The following VPS8 variants were observed in gnomAD, a reference collection of about 807,000 sequenced individuals.
VPS8 encodes the protein vacuolar protein sorting-associated protein 8 homolog.
A neutral mutation model predicts 216.4 loss-of-function variants in VPS8; 129 were observed. The observed-to-expected ratio is 0.60, with a 90% confidence interval of 0.52 to 0.69. The LOEUF is 0.69. Among genes scored for constraint, VPS8 ranks in the 30% least tolerant of loss-of-function variants. VPS8 has a pLI of 0.00. For synonymous variants in VPS8, 571 were observed against 565.4 expected (o/e 1.01, Z -0.14); for missense variants, 1,531 against 1,683.5 (o/e 0.91, Z 1.59).
intron 22 of VPS8, 102 bp from the exon 23 acceptor site, chr3:184,894,601 A>G: frequency 1.1e-6 from 1 of 884,274 alleles, no homozygotes; most frequent in Non-Finnish European, 1.7e-6. Flanking sequence ...TAAACTCATG[A>G]GTAAGTTGAA....
chr3:184,981,021 G>C (rs1033489194), intron 40 of VPS8, among the ~76,000 whole-genome samples: 1 of 152,164 alleles, frequency 6.6e-6, no homozygotes, highest in African/African-American at 2.4e-5. Context: ...AGGTTTGACT[G>C]TGGTATAATG....
chr3:184,850,051 A>AT (rs754245786), intron 10 of VPS8, 29 bp downstream of exon 10: 134 of 1,554,890 alleles, frequency 8.6e-5, no homozygotes, highest in Middle Eastern at 1.7e-4. Context: ...TTTCCTAATA[A>AT]TTTTTTTATT....
intron 21 of VPS8, among the ~76,000 whole-genome samples, chr3:184,878,543 G>A (rs1729690158): frequency 6.6e-6 from 1 of 152,180 alleles, no homozygotes. Flanking sequence ...GCATTAAGAG[G>A]TAATGTCAAA....
At chr3:184,964,381 C>A in intron 37 of VPS8, 87 bp from the exon 38 acceptor site, 2 of 704,182 alleles carry the variant, frequency 2.8e-6, no homozygotes, top group Non-Finnish European at 2.1e-6. Flanking sequence ...CATTATTTAT[C>A]ATATGAGTTT....
Position 184,996,577 on chromosome 3 carries a change from T to TAC in VPS8, c.3836+79_3836+80dup. 7 of 1,478,576 alleles carry TAC rather than the reference T, an allele frequency of 4.7e-6. No individual in the cohort carries two copies. The South Asian group carries it at 8.2e-5, about 17-fold the overall frequency. The allele number at this position is 1,478,576 out of a possible 1,614,324, so 91.6% of individuals were successfully genotyped here. A position where few individuals can be genotyped will look rare whatever the true frequency, so the allele number is the denominator to read the frequency against. ...ATTACCAGGCAAGAATCCACATGGA[T>TAC]ACACGGGTAGTCATTCTAGCAGTGA... On this transcript the variant is annotated intron_variant, in intron 44 of 47. Transcript: ENST00000625842.
chr3:184,938,406 G>C (rs1475411359), intron 35 of VPS8, among the ~76,000 whole-genome samples: 2 of 152,204 alleles, frequency 1.3e-5, no homozygotes, highest in East Asian at 1.9e-4. Flanking sequence ...TTACAGACTA[G>C]CTTGATTGGA....
intron 36 of VPS8, among the ~76,000 whole-genome samples, chr3:184,952,532 A>T (rs796521447): frequency 2.7e-5 from 1 of 36,432 alleles, no homozygotes; most frequent in African/African-American, 5.7e-5. Context: ...AGCTGAAAAT[A>T]AGCAGTTCAA....
At position 184,830,454 on chromosome 3, in the gene VPS8, T is replaced by TCACACACACA. The variant is rs3040915; in HGVS notation, c.223-2216_223-2207dup. On this transcript the variant is annotated intron_variant, in intron 3 of 47. Coordinates refer to ENST00000625842, the MANE Select transcript of VPS8 (RefSeq NM_001009921.3). ...TAAGTTTTAGAATTAGTTTATCAGT[T>TCACACACACA]CACACACACACACACACACACACAC... Among the ~76,000 whole-genome samples the TCACACACACA allele has an allele frequency of 9.1e-3, 1,350 of 147,784 alleles. 20 individuals carry two copies. Among genetic ancestry groups the TCACACACACA allele is most frequent in the African/African-American group, 0.032 (1,278 of 40,528 alleles).
intron 36 of VPS8, among the ~76,000 whole-genome samples, chr3:184,955,066 T>C (rs1745348810): frequency 6.6e-6 from 1 of 152,194 alleles, no homozygotes; most frequent in Admixed American, 6.5e-5. Flanking sequence ...GTAACGCCAG[T>C]GTCTGTGAAG....
rs148545144 is a variant in VPS8, at chr3:185,047,822, C to A, written c.4057-657C>A. Among the ~76,000 whole-genome samples, 12 of 152,236 alleles carry A rather than the reference C, an allele frequency of 7.9e-5. No homozygotes were observed. The East Asian group carries it at 2.3e-3, about 29-fold the overall frequency. On this transcript the variant is annotated intron_variant, in intron 46 of 47. Transcript: ENST00000625842. ...TACTGTCAGAACTAGTATCCAGATT[C>A]TCCTCTGACTCCAAAGCTTATGGCC...
intron 47 of VPS8, among the ~76,000 whole-genome samples, chr3:185,050,793 G>C (rs535396486): frequency 6.6e-6 from 1 of 152,096 alleles, no homozygotes; most frequent in Non-Finnish European, 1.5e-5. Context: ...TGGCCCCCTC[G>C]TCTCAGCTGT....
chr3:184,821,088 A>G (rs1717478909), intron 1 of VPS8, among the ~76,000 whole-genome samples: 2 of 152,206 alleles, frequency 1.3e-5, no homozygotes, highest in Admixed American at 6.5e-5. Flanking sequence ...GTAATAGCTA[A>G]TATCTGTTGA....
intron 7 of VPS8, among the ~76,000 whole-genome samples, chr3:184,842,189 A>AAAAAAAAAAAAAAAAAAAAAAAAAAAAC (rs1722295448): frequency 6.9e-6 from 1 of 145,546 alleles, no homozygotes; most frequent in Non-Finnish European, 1.5e-5. Context: ...TCCGTCTCAA[A>AAAAAAAAAAAAAAAAAAAAAAAAAAAAC]AAAAAAAAAA....
intron 1 of VPS8, among the ~76,000 whole-genome samples, chr3:184,816,920 A>G (rs1198098837): frequency 6.6e-6 from 1 of 152,142 alleles, no homozygotes; most frequent in Non-Finnish European, 1.5e-5. Context: ...AGAATCATCT[A>G]TATGAATCAT....
intron 5 of VPS8, among the ~76,000 whole-genome samples, chr3:184,838,511 A>T (rs1015518910): frequency 6.6e-6 from 1 of 152,160 alleles, no homozygotes; most frequent in African/African-American, 2.4e-5. Context: ...TACTTAGTAA[A>T]ATAAAACAAT....
intron 20 of VPS8, 78 bp downstream of exon 20, chr3:184,869,606 G>A (rs1218267727): frequency 1.4e-6 from 2 of 1,387,164 alleles, no homozygotes; most frequent in East Asian, 4.6e-5. Context: ...TTGGGCATGA[G>A]TAGATAAATG....
chr3:184,930,788 A>T (rs1740545390), intron 34 of VPS8, among the ~76,000 whole-genome samples: 1 of 152,246 alleles, frequency 6.6e-6, no homozygotes, highest in South Asian at 2.1e-4. Context: ...ATGTTCAATC[A>T]GCCAGTGACA....
chr3:184,982,897 G>C (rs1254644735), intron 41 of VPS8, 115 bp from the exon 42 acceptor site: 2 of 927,242 alleles, frequency 2.2e-6, no homozygotes, highest in Non-Finnish European at 3.1e-6. Flanking sequence ...AAGAGGCCTT[G>C]GTTAGCTAAG....
At chr3:184,949,473 C>T (rs1251475932) in intron 36 of VPS8, among the ~76,000 whole-genome samples, 2 of 151,934 alleles carry the variant, frequency 1.3e-5, no homozygotes, top group African/African-American at 4.8e-5. Context: ...TTGTTCTGTG[C>T]CTCTTAAAAG....
Sources: allele counts gnomAD v4.1 joint callset (sites outside exome capture counted in the v4.1 genomes callset), GRCh38; gene constraint gnomAD v4.1.1; transcripts MANE v1.5; gene names NCBI Gene and HGNC (gene_info 2026-07-23, HGNC 2026-07-21).